Variants in PTPRU observed in about 807,000 individuals in gnomAD.
PTPRU encodes the protein protein tyrosine phosphatase receptor type U, also known as receptor-type tyrosine-protein phosphatase U.
A neutral mutation model predicts 166.3 loss-of-function variants in PTPRU; 69 were observed. That is an observed-to-expected ratio of 0.41 (90% CI 0.34 to 0.51). The LOEUF (loss-of-function observed/expected upper bound fraction) is 0.51. Among genes scored for constraint, PTPRU ranks in the 20% least tolerant of loss-of-function variants. The probability of loss-of-function intolerance (pLI) is 0.09; values close to 1 mark genes in which losing one functional copy is unlikely to be tolerated. For synonymous variants in PTPRU, 793 were observed against 814.0 expected (o/e 0.97, Z 0.44); for missense variants, 1,657 against 2,013.7 (o/e 0.82, Z 3.39).
chr1:29,325,415 G>T (rs1310718805), intron 29 of PTPRU, 89 bp downstream of exon 29: 3 of 1,542,492 alleles, frequency 1.9e-6, no homozygotes, highest in Admixed American at 1.7e-5. Context: ...CCATATCTGG[G>T]CCCCACCACT....
At position 29,317,688 on chromosome 1, in the gene PTPRU, T is replaced by C. The variant is rs1250229633; in HGVS notation, c.3514-60T>C. Reference sequence around the variant, plus strand: ...CTCAGTCCAGCCTCCTTCATGGGGATGTGAGGAGGCCCAGCAAGCCCTGGA... The same window carrying C: ...CTCAGTCCAGCCTCCTTCATGGGGACGTGAGGAGGCCCAGCAAGCCCTGGA... On this transcript the variant is annotated intron_variant, in intron 24 of 29. Coordinates refer to ENST00000373779, the MANE Select transcript of PTPRU (RefSeq NM_133178.4). The surrounding 1 kb of genome is among the most constrained non-coding windows in gnomAD (Gnocchi z 5.6). 6.7e-7 allele frequency: 1 copy of C among 1,488,320 alleles called. No individual in the cohort carries two copies. 92.2% of individuals were successfully genotyped at this position (1,488,320 alleles called of 1,614,324 possible). A position where few individuals can be genotyped will look rare whatever the true frequency, so the allele number is the denominator to read the frequency against.
At chr1:29,321,285 C>T (rs1424863290) in intron 26 of PTPRU, among the ~76,000 whole-genome samples, 1 of 151,312 alleles carries the variant, frequency 6.6e-6, no homozygotes, top group Non-Finnish European at 1.5e-5. Context: ...AAGTGATCCT[C>T]CCACCTTGGT....
rs568722645 is a variant in PTPRU at position 29,270,366 on chromosome 1, G to T, written c.1145-5082G>T. Among the ~76,000 whole-genome samples the T allele has an allele frequency of 9.9e-5, 15 of 152,178 alleles. No homozygotes were observed. The East Asian group carries it at 1.6e-3, about 16-fold the overall frequency. On this transcript the variant is annotated intron_variant, in intron 7 of 29. Transcript: ENST00000373779. ...CTGTCACCCAGGCTGGAGTGCAGTG[G>T]CATGATCTTGGCTCACCGCTTCCTC...
chr1:29,288,231 C>A (rs1263768034), intron 14 of PTPRU, among the ~76,000 whole-genome samples: 1 of 152,106 alleles, frequency 6.6e-6, no homozygotes, highest in African/African-American at 2.4e-5. Context: ...TGTGGGATTA[C>A]AATGTGTGGG....
intron 7 of PTPRU, among the ~76,000 whole-genome samples, chr1:29,266,037 T>G (rs1386458014): frequency 1.4e-5 from 2 of 139,828 alleles, no homozygotes; most frequent in Non-Finnish European, 1.5e-5. Context: ...TTTTTTTTTT[T>G]GATACGGAGT....
chr1:29,306,643 AAG>A (rs1293903677), intron 18 of PTPRU, among the ~76,000 whole-genome samples: 1 of 152,032 alleles, frequency 6.6e-6, no homozygotes, highest in Non-Finnish European at 1.5e-5. Context: ...GAGGAGAGGG[AAG>A]AGTGTCCCGG....
At chr1:29,285,847 G>A (rs1011693623) in intron 14 of PTPRU, among the ~76,000 whole-genome samples, 2 of 152,192 alleles carry the variant, frequency 1.3e-5, no homozygotes, top group African/African-American at 2.4e-5. Context: ...TCCCCACCAG[G>A]CAGCCGTGGG....
chr1:29,267,042 T>C (rs1482279943), intron 7 of PTPRU, among the ~76,000 whole-genome samples: 3 of 152,102 alleles, frequency 2.0e-5, no homozygotes, highest in African/African-American at 7.2e-5. Context: ...CTGGACAACA[T>C]AGCAAAACCC....
intron 5 of PTPRU, 142 bp from the exon 6 acceptor site, chr1:29,259,728 C>T: frequency 7.9e-7 from 1 of 1,268,806 alleles, no homozygotes; most frequent in Non-Finnish European, 1.1e-6. Flanking sequence ...CTTGGGTCCC[C>T]CATTCCCCCA....
At position 29,299,632 on chromosome 1, in the gene PTPRU, G is replaced by T. The variant is rs371582011; in HGVS notation, c.2477-4223G>T. Among the ~76,000 whole-genome samples the T allele has an allele frequency of 3.3e-5, 5 of 152,258 alleles. No homozygotes were observed. In the East Asian group the frequency reaches 9.7e-4, roughly 29 times the overall value. On this transcript the variant is annotated intron_variant, in intron 15 of 29. Transcript: ENST00000373779. ...GCACTGATTGCATGCCTCCTTGTGG[G>T]GCTGTGCCAGGGCTGCCAGCCTTTC...
At chr1:29,272,555 A>G (rs1303453806) in intron 7 of PTPRU, among the ~76,000 whole-genome samples, 1 of 152,184 alleles carries the variant, frequency 6.6e-6, no homozygotes, top group Non-Finnish European at 1.5e-5. Flanking sequence ...GCCTGGGCGA[A>G]TGCTTTCCTT....
In PTPRU at chr1:29,258,563, C is replaced by T. The variant is rs1684874862; in HGVS notation, c.264C>T (p.Ile88=). The part of the protein sequence containing the change: ...QHAPGQRAHV[I]FQSLSENDTH... The stretch of plus-strand genomic sequence containing the variant: ...CCCCAGGCCAGCGAGCCCATGTCAT[C>T]TTCCAGAGCCTGAGCGAGAATGATA... The change falls in exon 3 of 30, where the codon ATC becomes ATT. Residue 88 remains isoleucine (I), a synonymous_variant. Coordinates refer to ENST00000373779, the MANE Select transcript of PTPRU (RefSeq NM_133178.4). 2 of 1,614,140 alleles carry T rather than the reference C, an allele frequency of 1.2e-6. No individual in the cohort carries two copies. The highest frequency in any genetic ancestry group is 1.7e-6 in the Non-Finnish European group (2 of 1,180,056).
Position 29,323,634 on chromosome 1 carries a change from C to G in PTPRU, c.3958C>G (p.Gln1320Glu), listed in dbSNP as rs376456276. The change falls in exon 28 of 30, where the codon CAG becomes GAG. Residue 1320 changes from glutamine to glutamate, a missense_variant. Around this residue, in one of 3 missense-constraint regions of PTPRU, gnomAD observed 1,190 missense variants for 1,477.4 expected, o/e 0.81. Transcript: ENST00000373779. Reference sequence around the variant, plus strand: ...GGCTGGCTGCCCCTGTCCCCAGTTGCAGGAGGGGCACCTGCTGGTGCGGCA... The same window carrying G: ...GGCTGGCTGCCCCTGTCCCCAGTTGGAGGAGGGGCACCTGCTGGTGCGGCA... ...VFRVQNISRLQEGHLLVRHFQ... is the reference protein window; with the variant it reads ...VFRVQNISRLEEGHLLVRHFQ... 6.2e-7 allele frequency: 1 copy of G among 1,613,828 alleles called. No individual in the cohort carries two copies. Among genetic ancestry groups the G allele is most frequent in the Non-Finnish European group, 8.5e-7 (1 of 1,179,918 alleles).
Position 29,237,137 on chromosome 1 carries a change from T to C in PTPRU, c.73+420T>C, listed in dbSNP as rs1237721625. ...GCCTGGCCGGGAGTGCTGTTTGTTT[T>C]GTGTCTGCGAGTGGGTTGTGTGTTT... On this transcript the variant is annotated intron_variant, in intron 1 of 29. Transcript: ENST00000373779. The surrounding 1 kb of genome is among the most constrained non-coding windows in gnomAD (Gnocchi z 6.4). Among the ~76,000 whole-genome samples, 1 of 152,110 alleles carries C rather than the reference T, an allele frequency of 6.6e-6. No individual in the cohort carries two copies. The highest frequency in any genetic ancestry group is 2.4e-5 in the African/African-American group (1 of 41,410).
At chr1:29,265,788 GT>G (rs1685273678) in intron 7 of PTPRU, among the ~76,000 whole-genome samples, 1 of 152,116 alleles carries the variant, frequency 6.6e-6, no homozygotes, top group African/African-American at 2.4e-5. Context: ...AGTATTGAGA[GT>G]TTTTTGTACA....
rs377604814 is a variant in PTPRU, at chr1:29,315,522, C to G, written c.3363+15C>G. On this transcript the variant is annotated intron_variant, in intron 23 of 29. Coordinates refer to ENST00000373779, the MANE Select transcript of PTPRU (RefSeq NM_133178.4). This position sits in a 1 kb window ranked among gnomAD's most constrained non-coding sequence, Gnocchi z 4.5. ...TCCAGACTGAGGTGCGGGGACCTGG[C>G]CCTGTCCCCACCATTATTACTTCTA... 2.0e-5 allele frequency: 33 copies of G among 1,614,012 alleles called. No individual in the cohort carries two copies. The African/African-American group carries it at 4.1e-4, about 20-fold the overall frequency.
In PTPRU at chr1:29,312,595, C is replaced by T. The variant is rs1687717209; in HGVS notation, c.3116C>T (p.Thr1039Ile). The change falls in exon 22 of 30, where the codon ACA (threonine) becomes ATA (isoleucine). Residue 1039 changes from threonine to isoleucine, a missense_variant. Around this residue, in one of 3 missense-constraint regions of PTPRU, gnomAD observed 1,190 missense variants for 1,477.4 expected, o/e 0.81. Transcript: ENST00000373779. ...CACGAGGTCCGCCAGTTCCACTTCACAGCGTGGCCAGAGCATGGCGTCCCC... is the reference window on the plus strand; with the variant it reads ...CACGAGGTCCGCCAGTTCCACTTCATAGCGTGGCCAGAGCATGGCGTCCCC... Reference protein sequence around the residue: ...ARHEVRQFHFTAWPEHGVPYH... With the variant: ...ARHEVRQFHFIAWPEHGVPYH... 4 of 1,607,452 alleles carry T rather than the reference C, an allele frequency of 2.5e-6. No individual in the cohort carries two copies. In the East Asian group the frequency reaches 9.0e-5, roughly 36 times the overall value.
chr1:29,305,306 C>T (rs1687336219), intron 17 of PTPRU, 46 bp from the exon 18 acceptor site: 1 of 1,585,170 alleles, frequency 6.3e-7, no homozygotes, highest in South Asian at 1.1e-5. Flanking sequence ...CTGCCTAGCT[C>T]TGGGCTCCCC....
intron 11 of PTPRU, among the ~76,000 whole-genome samples, chr1:29,281,171 G>A (rs905012824): frequency 1.2e-4 from 18 of 151,978 alleles, no homozygotes; most frequent in African/African-American, 4.4e-4. Flanking sequence ...GGGCTGCCTG[G>A]GTGACCATGG....
Sources: gnomAD v4.1 joint callset for allele counts (sites outside exome capture counted in the v4.1 genomes callset) on GRCh38, gnomAD v4.1.1 for gene constraint, gnomAD v4.1.1 regional missense constraint, Gnocchi (gnomAD v3.1) non-coding constraint, MANE v1.5 for transcripts, NCBI Gene and HGNC (gene_info 2026-07-23, HGNC 2026-07-21) for gene names.